Variants in TLN2 observed in about 807,000 individuals in gnomAD.
TLN2 encodes the protein talin-2.
Under a neutral mutation model 294.7 loss-of-function variants are expected in TLN2, and 118 were observed. That is an observed-to-expected ratio of 0.40 (90% CI 0.34 to 0.47). The LOEUF is 0.47. TLN2 is among the 20% of genes least tolerant of loss of function. TLN2 has a pLI of 0.84. For missense variants in TLN2, 3,083 were observed against 3,282.2 expected (o/e 0.94, Z 1.48); for synonymous variants, 1,431 against 1,304.5 (o/e 1.10, Z -2.09).
chr15:62,414,271 G>C (rs2033958084), intron 1 of TLN2, among the ~76,000 whole-genome samples: 1 of 134,762 alleles, frequency 7.4e-6, no homozygotes, highest in Non-Finnish European at 1.6e-5. Context: ...TTGAGAATGT[G>C]GGGGAGGAGA....
In TLN2 at chr15:62,678,928, T is replaced by C. The variant is rs555466340; in HGVS notation, c.957+3607T>C. Among the ~76,000 whole-genome samples, 295 of 152,072 alleles carry C rather than the reference T, an allele frequency of 1.9e-3. 11 individuals carry two copies. In the South Asian group the frequency reaches 0.059, roughly 30 times the overall value. On this transcript the variant is annotated intron_variant, in intron 11 of 58. Coordinates refer to ENST00000636159, the MANE Select transcript of TLN2 (RefSeq NM_015059.3). ...ACATTATTTTGGAAGTTCTGGGAAA[T>C]ACAGTAAAATGAGGGGAAAATCATT...
At chr15:62,591,171 A>G (rs1241974493) in intron 2 of TLN2, among the ~76,000 whole-genome samples, 2 of 152,234 alleles carry the variant, frequency 1.3e-5, no homozygotes, top group Admixed American at 6.5e-5. Flanking sequence ...TACTAAAAGA[A>G]TAGGATTATT....
intron 45 of TLN2, among the ~76,000 whole-genome samples, chr15:62,788,863 A>G (rs74362353): frequency 0.014 from 2,063 of 152,286 alleles, 24 homozygotes; most frequent in Non-Finnish European, 0.023. Flanking sequence ...TCATTTGACC[A>G]TCCCATCAGC....
intron 21 of TLN2, 129 bp downstream of exon 21, chr15:62,708,925 T>C (rs1595740800): frequency 9.0e-7 from 1 of 1,106,830 alleles, no homozygotes; most frequent in South Asian, 1.7e-5. Context: ...TCTCAAAGAC[T>C]TCCCCACTGA....
At chr15:62,819,456 T>G (rs754584136) in intron 52 of TLN2, 60 bp from the exon 53 acceptor site, 24 of 1,410,034 alleles carry the variant, frequency 1.7e-5, no homozygotes, top group East Asian at 2.3e-5. Flanking sequence ...GGAGTGTGCT[T>G]CTTTCCTGTC....
chr15:62,391,994 G>A (rs1456286600), intron 1 of TLN2, among the ~76,000 whole-genome samples: 2 of 152,390 alleles, frequency 1.3e-5, no homozygotes, highest in African/African-American at 2.4e-5. Context: ...ACTTCCTGGG[G>A]GAGAGGAGGC....
chr15:62,403,192 C>T (rs1041843088), intron 1 of TLN2, among the ~76,000 whole-genome samples: 1 of 149,024 alleles, frequency 6.7e-6, no homozygotes, highest in African/African-American at 2.5e-5. Context: ...GAGCCGAGAT[C>T]GTGTGACAAA....
intron 1 of TLN2, among the ~76,000 whole-genome samples, chr15:62,514,746 T>G (rs759709688): frequency 6.6e-6 from 1 of 152,236 alleles, no homozygotes; most frequent in Non-Finnish European, 1.5e-5. Flanking sequence ...CAGTAGTCCT[T>G]AAGTGAGTAT....
chr15:62,797,736 G>A (rs749591160), intron 48 of TLN2, among the ~76,000 whole-genome samples: 1 of 152,228 alleles, frequency 6.6e-6, no homozygotes, highest in Non-Finnish European at 1.5e-5. Context: ...GGGCACAGGA[G>A]CTCCCTGAAG....
intron 1 of TLN2, among the ~76,000 whole-genome samples, chr15:62,478,259 C>T (rs537221295): frequency 2.0e-5 from 3 of 152,264 alleles, no homozygotes; most frequent in Non-Finnish European, 4.4e-5. Context: ...AGTTCCTTCT[C>T]TTGCTTTTAA....
chr15:62,574,899 T>G (rs1393292549), intron 1 of TLN2, among the ~76,000 whole-genome samples: 1 of 152,220 alleles, frequency 6.6e-6, no homozygotes. Context: ...CTCAGCTCAC[T>G]TTCTCTGTTT....
chr15:62,830,984 A>T (rs1193935412), intron 54 of TLN2: 1 of 151,998 alleles, frequency 6.6e-6, no homozygotes, highest in Non-Finnish European at 1.5e-5. Flanking sequence ...TTACCAGAAA[A>T]ATCTGTGGGT....
chr15:62,609,080 T>C (rs570692459), intron 2 of TLN2, among the ~76,000 whole-genome samples: 1 of 152,038 alleles, frequency 6.6e-6, no homozygotes, highest in African/African-American at 2.4e-5. Context: ...TAGGGATAGA[T>C]GAAGAAACAA....
chr15:62,716,262 AT>A lies in TLN2; in HGVS notation c.2635-68del, dbSNP rs1361165398. On this transcript the variant is annotated intron_variant, in intron 22 of 58. Transcript: ENST00000636159. ...TGCTTTCTATTACTAAGAAAAAATA[AT>A]ACTGAAGGCATGAATTCAGTGATGT... 2.7e-5 allele frequency: 38 copies of A among 1,405,934 alleles called. No individual in the cohort carries two copies. In the Middle Eastern group the frequency reaches 1.3e-3, roughly 47 times the overall value. 87.1% of individuals were successfully genotyped at this position (1,405,934 alleles called of 1,614,324 possible).
chr15:62,508,179 CTATT>C (rs1286190410), intron 1 of TLN2, among the ~76,000 whole-genome samples: 6 of 151,902 alleles, frequency 3.9e-5, no homozygotes, highest in African/African-American at 1.5e-4. Context: ...GGATGAGTGA[CTATT>C]TAAGCCCTAT....
chr15:62,747,165 C>A (rs1464829658), intron 32 of TLN2, among the ~76,000 whole-genome samples: 3 of 152,166 alleles, frequency 2.0e-5, no homozygotes, highest in African/African-American at 7.2e-5. Context: ...TTATCCATGT[C>A]ATTACTTCAG....
chr15:62,406,487 A>G lies in TLN2; in HGVS notation c.-238+15802A>G, dbSNP rs372444979. On this transcript the variant is annotated intron_variant, in intron 1 of 58. Coordinates refer to ENST00000636159, the MANE Select transcript of TLN2 (RefSeq NM_015059.3). Reference sequence around the variant, plus strand: ...GTGCCTTCTCCTGCAGAGTAGCACTACCCCACAGGCAGTGTGCTGACAGTA... The same window carrying G: ...GTGCCTTCTCCTGCAGAGTAGCACTGCCCCACAGGCAGTGTGCTGACAGTA... 4.0e-4 allele frequency among the ~76,000 whole-genome samples: 61 copies of G among 152,296 alleles called. 1 individual carries two copies. The highest frequency in any genetic ancestry group is 3.4e-3 in the Middle Eastern group (1 of 294).
chr15:62,515,219 A>G (rs1428955337), intron 1 of TLN2, among the ~76,000 whole-genome samples: 1 of 152,190 alleles, frequency 6.6e-6, no homozygotes, highest in Admixed American at 6.5e-5. Flanking sequence ...CCCCAAAAGT[A>G]TATTTATCAT....
chr15:62,548,941 C>T (rs573977499), intron 1 of TLN2, among the ~76,000 whole-genome samples: 2 of 152,256 alleles, frequency 1.3e-5, no homozygotes, highest in African/African-American at 4.8e-5. Context: ...GTTAGATCCA[C>T]TTGGAGTTAT....
Sources: gnomAD v4.1 joint callset for allele counts (sites outside exome capture counted in the v4.1 genomes callset) on GRCh38, gnomAD v4.1.1 for gene constraint, MANE v1.5 for transcripts, NCBI Gene and HGNC (gene_info 2026-07-23, HGNC 2026-07-21) for gene names.